The following NECAB1 variants were observed in gnomAD, a reference collection of about 807,000 sequenced individuals.
NECAB1 encodes N-terminal EF-hand calcium binding protein 1.
NECAB1 carries 29 observed loss-of-function variants against 57.5 expected under a neutral mutation model. That is an observed-to-expected ratio of 0.50 (90% CI 0.38 to 0.69). The LOEUF is 0.69. NECAB1 is among the 30% of genes least tolerant of loss of function. The pLI is 0.00. For synonymous variants in NECAB1, 142 were observed against 147.7 expected (o/e 0.96, Z 0.28); for missense variants, 372 against 413.8 (o/e 0.90, Z 0.88).
At chr8:90,925,041 A>G (rs1049251267) in intron 6 of NECAB1, among the ~76,000 whole-genome samples, 1 of 151,992 alleles carries the variant, frequency 6.6e-6, no homozygotes, top group African/African-American at 2.4e-5. Context: ...AACACCTGCT[A>G]AAAAGTGTTG....
In NECAB1 at chr8:90,947,351, C is replaced by CACACACACACACACACACACAG. The variant is rs1342952213; in HGVS notation, c.861-2455_861-2454insCACACACACACACACACACAGA. 1.2e-3 allele frequency among the ~76,000 whole-genome samples: 151 copies of CACACACACACACACACACACAG among 125,238 alleles called. 4 individuals carry two copies. Among genetic ancestry groups the CACACACACACACACACACACAG allele is most frequent in the East Asian group, 2.6e-3 (10 of 3,804 alleles). The allele number at this position is 125,238 out of a possible 152,430, so 82.2% of individuals were successfully genotyped here. A position where few individuals can be genotyped will look rare whatever the true frequency, so the allele number is the denominator to read the frequency against. Reference sequence around the variant, plus strand: ...ACACACACACACACACACACACACACAATAAGCCAAGTACTGAGTTAAGAA... The same window carrying CACACACACACACACACACACAG: ...ACACACACACACACACACACACACACACACACACACACACACACACAGAATAAGCCAAGTACTGAGTTAAGAA... On this transcript the variant is annotated intron_variant, in intron 10 of 12. Coordinates refer to ENST00000417640, the MANE Select transcript of NECAB1 (RefSeq NM_022351.5).
chr8:90,921,375 T>G (rs1563534957), intron 6 of NECAB1, among the ~76,000 whole-genome samples: 1 of 151,968 alleles, frequency 6.6e-6, no homozygotes, highest in South Asian at 2.1e-4. Flanking sequence ...CAGTCAAGAG[T>G]TGCAACCTGC....
At chr8:90,954,730 G>A (rs1273675836) in intron 12 of NECAB1, among the ~76,000 whole-genome samples, 3 of 150,596 alleles carry the variant, frequency 2.0e-5, no homozygotes, top group Non-Finnish European at 4.4e-5. Context: ...ATATTTATGA[G>A]ATCCTATGTG....
chr8:90,915,256 T>C (rs1809923529), intron 5 of NECAB1, among the ~76,000 whole-genome samples: 1 of 152,190 alleles, frequency 6.6e-6, no homozygotes, highest in Admixed American at 6.5e-5. Context: ...TGGAAATAAC[T>C]GTGGGAAAAG....
chr8:90,799,938 C>T (rs1165962678), intron 1 of NECAB1, among the ~76,000 whole-genome samples: 1 of 152,186 alleles, frequency 6.6e-6, no homozygotes, highest in Non-Finnish European at 1.5e-5. Flanking sequence ...AATTCTTGAG[C>T]ATGGAATGTT....
Position 90,956,080 on chromosome 8 carries a change from A to G in NECAB1, c.*568A>G, listed in dbSNP as rs1811026143. On this transcript the variant is annotated 3_prime_UTR_variant, in exon 13 of 13. Coordinates refer to ENST00000417640, the MANE Select transcript of NECAB1 (RefSeq NM_022351.5). Reference sequence around the variant, plus strand: ...CATCAAACAACCTTGGCTGTAACCTATAGAATCTCTATCCACGTATCAGGT... The same window carrying G: ...CATCAAACAACCTTGGCTGTAACCTGTAGAATCTCTATCCACGTATCAGGT... 1 of 152,064 alleles carries G rather than the reference A, an allele frequency of 6.6e-6. No individual in the cohort carries two copies. Among genetic ancestry groups the G allele is most frequent in the Admixed American group, 6.6e-5 (1 of 15,222 alleles). The allele number at this position is 152,064 out of a possible 1,614,324, so 9.4% of individuals were successfully genotyped here.
intron 4 of NECAB1, among the ~76,000 whole-genome samples, chr8:90,875,242 G>A (rs1466033110): frequency 6.6e-6 from 1 of 151,906 alleles, no homozygotes; most frequent in African/African-American, 2.4e-5. Context: ...AGCACTTTGG[G>A]AGGCCGAGGC....
intron 5 of NECAB1, among the ~76,000 whole-genome samples, chr8:90,911,092 G>A (rs947476805): frequency 3.3e-5 from 5 of 152,062 alleles, no homozygotes; most frequent in Admixed American, 1.3e-4. Context: ...TATAAACTAT[G>A]CCACCAACAT....
At chr8:90,809,501 T>G (rs999690913) in intron 2 of NECAB1, among the ~76,000 whole-genome samples, 14 of 152,222 alleles carry the variant, frequency 9.2e-5, no homozygotes, top group Non-Finnish European at 1.5e-4. Flanking sequence ...AAAATGCATT[T>G]GATACTTTTG....
chr8:90,845,590 G>A (rs1236258960), intron 3 of NECAB1, among the ~76,000 whole-genome samples: 1 of 152,096 alleles, frequency 6.6e-6, no homozygotes, highest in Non-Finnish European at 1.5e-5. Flanking sequence ...TGTATAAATA[G>A]ACAGTAAGTT....
intron 3 of NECAB1, among the ~76,000 whole-genome samples, chr8:90,860,090 C>G (rs1812868983): frequency 6.6e-6 from 1 of 152,092 alleles, no homozygotes. Flanking sequence ...CGGCCACCCA[C>G]CAATTGTTCT....
intron 4 of NECAB1, among the ~76,000 whole-genome samples, chr8:90,880,142 C>T (rs1808810227): frequency 6.6e-6 from 1 of 151,976 alleles, no homozygotes. Flanking sequence ...AATGTATTCC[C>T]ATAATCTCGA....
chr8:90,846,061 G>T (rs564338283), intron 3 of NECAB1, among the ~76,000 whole-genome samples: 36 of 152,284 alleles, frequency 2.4e-4, no homozygotes, highest in Middle Eastern at 6.8e-3. Context: ...ACAAAAAGTG[G>T]CATATCCTTA....
intron 7 of NECAB1, among the ~76,000 whole-genome samples, chr8:90,927,510 T>C (rs977381375): frequency 2.6e-5 from 4 of 151,880 alleles, no homozygotes; most frequent in Admixed American, 6.6e-5. Flanking sequence ...GCCAGGATAT[T>C]TGTGCACAGG....
At chr8:90,850,701 G>A (rs1241339910) in intron 3 of NECAB1, among the ~76,000 whole-genome samples, 1 of 152,074 alleles carries the variant, frequency 6.6e-6, no homozygotes, top group Non-Finnish European at 1.5e-5. Context: ...TTCTTACTGG[G>A]GTTCAAGCCT....
At position 90,957,670 on chromosome 8, in the gene NECAB1, G is replaced by A. The variant is rs1313463863; in HGVS notation, c.*2158G>A. On this transcript the variant is annotated 3_prime_UTR_variant, in exon 13 of 13. Transcript: ENST00000417640. ...CTATAGTAGAAAAGGAAACTAGTAG[G>A]GCCAAAAAAAAAAAGAAAAAGAAAA... 1 of 142,646 alleles carries A rather than the reference G, an allele frequency of 7.0e-6. No homozygotes were observed. Among genetic ancestry groups the A allele is most frequent in the African/African-American group, 2.6e-5 (1 of 38,780 alleles). The allele number at this position is 142,646 out of a possible 1,614,324, so 8.8% of individuals were successfully genotyped here.
intron 10 of NECAB1, among the ~76,000 whole-genome samples, chr8:90,943,836 C>T (rs889008488): frequency 2.0e-5 from 3 of 152,214 alleles, no homozygotes; most frequent in African/African-American, 7.2e-5. Context: ...ACTGCAGCCT[C>T]AACTTCTTGG....
chr8:90,881,273 T>A (rs1808830532), intron 5 of NECAB1, 143 bp downstream of exon 5: 3 of 629,938 alleles, frequency 4.8e-6, no homozygotes, highest in Non-Finnish European at 8.4e-6. Context: ...GCTATGTTAT[T>A]CATTTGTAAC....
At chr8:90,887,285 C>T (rs1298587595) in intron 5 of NECAB1, among the ~76,000 whole-genome samples, 1 of 152,112 alleles carries the variant, frequency 6.6e-6, no homozygotes, top group Non-Finnish European at 1.5e-5. Flanking sequence ...ATGCTTTACA[C>T]CTATTGTTGT....
Sources: gnomAD v4.1 joint callset for allele counts (sites outside exome capture counted in the v4.1 genomes callset) on GRCh38, gnomAD v4.1.1 for gene constraint, MANE v1.5 for transcripts, NCBI Gene and HGNC (gene_info 2026-07-23, HGNC 2026-07-21) for gene names.